Variants in RAPGEF5 observed in about 807,000 individuals in gnomAD.
RAPGEF5 encodes Rap guanine nucleotide exchange factor 5, also known as M-Ras-regulated GEF.
Under a neutral mutation model 125.2 loss-of-function variants are expected in RAPGEF5, and 65 were observed. The ratio of observed to expected loss-of-function variants is 0.52; its 90% CI spans 0.43 to 0.64. The LOEUF is 0.64. Ranked by LOEUF, RAPGEF5 falls within the 30% of genes least tolerant of loss-of-function variation. RAPGEF5 has a pLI of 0.00. For synonymous variants in RAPGEF5, 391 were observed against 385.9 expected (o/e 1.01, Z -0.16); for missense variants, 958 against 1,048.1 (o/e 0.91, Z 1.19).
intron 17 of RAPGEF5, 34 bp downstream of exon 17, chr7:22,154,421 A>T: frequency 2.5e-6 from 4 of 1,608,726 alleles, no homozygotes; most frequent in Non-Finnish European, 3.4e-6. Context: ...GAGATCAGTG[A>T]AAGATTAATA....
intron 7 of RAPGEF5, 38 bp from the exon 8 acceptor site, chr7:22,230,957 A>G (rs1408617994): frequency 8.5e-6 from 13 of 1,522,896 alleles, no homozygotes; most frequent in Admixed American, 4.0e-5. Context: ...ATGTATCATC[A>G]TACAAAAAAT....
At chr7:22,283,892 T>C (rs908561398) in intron 6 of RAPGEF5, among the ~76,000 whole-genome samples, 14 of 152,182 alleles carry the variant, frequency 9.2e-5, no homozygotes, top group African/African-American at 1.4e-4. Flanking sequence ...TAAAGATAAA[T>C]TTCCCCCTGC....
chr7:22,213,297 G>C (rs1331480830), intron 9 of RAPGEF5, among the ~76,000 whole-genome samples: 1 of 152,204 alleles, frequency 6.6e-6, no homozygotes, highest in East Asian at 1.9e-4. Flanking sequence ...GGAAAAGCTA[G>C]AATTTAAAGA....
At chr7:22,354,901 T>C (rs1200238895) in intron 1 of RAPGEF5, among the ~76,000 whole-genome samples, 1 of 152,254 alleles carries the variant, frequency 6.6e-6, no homozygotes. Flanking sequence ...TATTTTGTTA[T>C]GACAGCCTGA....
Position 22,308,435 on chromosome 7 carries a change from T to C in RAPGEF5, c.584A>G (p.Tyr195Cys), listed in dbSNP as rs746496966. 2 of 1,576,800 alleles carry C rather than the reference T, an allele frequency of 1.3e-6. No homozygotes were observed. The highest frequency in any genetic ancestry group is 2.3e-5 in the South Asian group (2 of 85,904). Residue 195 changes from tyrosine to cysteine, a missense_variant, in exon 5 of 26, where the codon TAC (tyrosine) becomes TGC (cysteine). By Grantham distance (194) the Tyr-to-Cys change is radical (BLOSUM62 -2). Transcript: ENST00000665637. ...TTCTTCTTCTCTTTCAAATTCACAG[T>C]ACAAGTAGCTACATTCATCAGAGGA... Reference protein sequence around the residue: ...QFSSDECSYLYCEFEREEEWQ... With the variant: ...QFSSDECSYLCCEFEREEEWQ...
chr7:22,310,220 G>C (rs1228875790), intron 3 of RAPGEF5, 130 bp from the exon 4 acceptor site: 2 of 939,134 alleles, frequency 2.1e-6, no homozygotes, highest in Non-Finnish European at 2.9e-6. Flanking sequence ...AGAATAAATG[G>C]CATATACCTC....
At chr7:22,157,434 G>C (rs1783844997) in intron 15 of RAPGEF5, among the ~76,000 whole-genome samples, 1 of 152,192 alleles carries the variant, frequency 6.6e-6, no homozygotes, top group Non-Finnish European at 1.5e-5. Flanking sequence ...ATTGGACTGA[G>C]AACACATTCC....
chr7:22,134,446 G>C (rs1249060747), intron 23 of RAPGEF5, among the ~76,000 whole-genome samples: 2 of 151,840 alleles, frequency 1.3e-5, no homozygotes, highest in African/African-American at 4.8e-5. Flanking sequence ...CAGAGGTCTC[G>C]ATAAACTCAG....
chr7:22,165,051 G>A (rs1298661094), intron 12 of RAPGEF5, among the ~76,000 whole-genome samples: 1 of 152,042 alleles, frequency 6.6e-6, no homozygotes, highest in African/African-American at 2.4e-5. Context: ...TGTGTTTGTG[G>A]TATTATTTCA....
intron 1 of RAPGEF5, among the ~76,000 whole-genome samples, chr7:22,328,427 G>T (rs1360771292): frequency 6.6e-6 from 1 of 152,192 alleles, no homozygotes; most frequent in Non-Finnish European, 1.5e-5. Flanking sequence ...TTTCCCAAAT[G>T]GGTACAGAAT....
intron 6 of RAPGEF5, among the ~76,000 whole-genome samples, chr7:22,287,744 A>AT (rs1782830762): frequency 6.6e-6 from 1 of 152,224 alleles, no homozygotes; most frequent in Non-Finnish European, 1.5e-5. Context: ...TTTATATGCC[A>AT]TTGTCAACAG....
intron 8 of RAPGEF5, 80 bp from the exon 9 acceptor site, chr7:22,220,071 A>G (rs777024519): frequency 2.3e-5 from 35 of 1,507,502 alleles, no homozygotes; most frequent in Middle Eastern, 3.5e-4. Context: ...TTCACCTTAT[A>G]ATAAGCTCAT....
intron 17 of RAPGEF5, 133 bp from the exon 18 acceptor site, chr7:22,150,637 GATTA>G: frequency 2.4e-6 from 3 of 1,245,372 alleles, no homozygotes; most frequent in South Asian, 1.7e-5. Context: ...ACTTAAAGTG[GATTA>G]ATTAAGTTCT....
intron 6 of RAPGEF5, among the ~76,000 whole-genome samples, chr7:22,290,764 C>G (rs761609681): frequency 7.4e-4 from 107 of 145,058 alleles, no homozygotes; most frequent in Non-Finnish European, 1.4e-3. Flanking sequence ...AAAAAAAAAA[C>G]CACAATGAAA....
chr7:22,337,475 C>T (rs1414089217), intron 1 of RAPGEF5, among the ~76,000 whole-genome samples: 1 of 152,208 alleles, frequency 6.6e-6, no homozygotes, highest in Non-Finnish European at 1.5e-5. Context: ...AATTGGTTAA[C>T]TATACCTACA....
chr7:22,196,354 G>A (rs577577397), intron 9 of RAPGEF5, among the ~76,000 whole-genome samples: 2 of 152,298 alleles, frequency 1.3e-5, no homozygotes, highest in East Asian at 3.9e-4. Flanking sequence ...TTATTCTTGT[G>A]CTTGATTGGT....
At chr7:22,273,915 T>C (rs991081974) in intron 6 of RAPGEF5, among the ~76,000 whole-genome samples, 5 of 152,328 alleles carry the variant, frequency 3.3e-5, no homozygotes, top group South Asian at 2.1e-4. Flanking sequence ...GAGGAGTAGA[T>C]AGTATCCACA....
At chr7:22,126,132 G>C (rs1782737135) in intron 24 of RAPGEF5, among the ~76,000 whole-genome samples, 1 of 152,180 alleles carries the variant, frequency 6.6e-6, no homozygotes, top group South Asian at 2.1e-4. Flanking sequence ...CTGGGTGACA[G>C]AGTGAGACTC....
At chr7:22,123,949 G>A (rs1211742156) in intron 25 of RAPGEF5, among the ~76,000 whole-genome samples, 1 of 152,192 alleles carries the variant, frequency 6.6e-6, no homozygotes, top group Non-Finnish European at 1.5e-5. Context: ...CCCAAATGCT[G>A]ACATTGGTTT....
Sources: allele counts gnomAD v4.1 joint callset (sites outside exome capture counted in the v4.1 genomes callset), GRCh38; gene constraint gnomAD v4.1.1; transcripts MANE v1.5; gene names NCBI Gene and HGNC (gene_info 2026-07-23, HGNC 2026-07-21).